RALGAPA1: variants seen among roughly 807,000 people sequenced by gnomAD.
The protein encoded by RALGAPA1 is Ral GTPase activating protein catalytic subunit alpha 1, also known as ral GTPase-activating protein subunit alpha-1.
In RALGAPA1, 52 loss-of-function variants were observed where a neutral mutation model predicts 269.6. The ratio of observed to expected loss-of-function variants is 0.19; its 90% CI spans 0.15 to 0.24. RALGAPA1 has a LOEUF of 0.24. Ranked by LOEUF, RALGAPA1 falls within the 10% of genes least tolerant of loss-of-function variation. RALGAPA1 has a pLI of 1.00. For missense variants in RALGAPA1, 1,917 were observed against 3,013.9 expected, an observed-to-expected ratio of 0.64 and a Z score of 8.52; for synonymous variants, 817 against 1,008.3, an observed-to-expected ratio of 0.81 and a Z score of 3.60.
intron 16 of RALGAPA1, among the ~76,000 whole-genome samples, chr14:35,709,281 A>C (rs1294343154): frequency 1.3e-5 from 2 of 152,182 alleles, no homozygotes; most frequent in Non-Finnish European, 2.9e-5. Context: ...TACCCCATTT[A>C]CACTGATGTG....
At chr14:35,551,494 TG>T (rs1280406381) in intron 39 of RALGAPA1, among the ~76,000 whole-genome samples, 1 of 152,126 alleles carries the variant, frequency 6.6e-6, no homozygotes, top group East Asian at 1.9e-4. Flanking sequence ...TCTGCTTGAA[TG>T]GGTAAAATGC....
chr14:35,651,619 T>C (rs1417760219), intron 31 of RALGAPA1, among the ~76,000 whole-genome samples, 186 bp downstream of exon 31: 2 of 152,134 alleles, frequency 1.3e-5, no homozygotes, highest in African/African-American at 2.4e-5. Flanking sequence ...TTTTATCAAA[T>C]GGCAATGAAA....
intron 35 of RALGAPA1, 58 bp downstream of exon 35, chr14:35,625,303 T>G: frequency 1.8e-6 from 2 of 1,099,712 alleles, no homozygotes; most frequent in Non-Finnish European, 2.7e-6. Context: ...CACAGTATTA[T>G]TCTAAAAGAG....
At position 35,655,876 on chromosome 14, in the gene RALGAPA1, T is replaced by C; in HGVS notation, c.5427A>G (p.Glu1809=). 1 of 1,613,476 alleles carries C rather than the reference T, an allele frequency of 6.2e-7. No individual in the cohort carries two copies. The highest frequency in any genetic ancestry group is 8.5e-7 in the Non-Finnish European group (1 of 1,179,648). ...ALCSLGIWIC[E]ELVHESHHPQ... ...GATGATGAGACTCATGGACTAGTTC[T>C]TCACAAATCCAAATACCTAAACTAC... The change falls in exon 29 of 42, where the codon GAA becomes GAG. Residue 1809 remains glutamate, a synonymous_variant. Transcript: ENST00000680220.
chr14:35,581,853 A>G (rs549726836), intron 37 of RALGAPA1, among the ~76,000 whole-genome samples: 1 of 152,304 alleles, frequency 6.6e-6, no homozygotes, highest in East Asian at 1.9e-4. Context: ...ATATACAATT[A>G]CCATATGATC....
intron 10 of RALGAPA1, 141 bp from the exon 11 acceptor site, chr14:35,742,706 T>C (rs1288252806): frequency 1.8e-5 from 12 of 660,830 alleles, no homozygotes; most frequent in Admixed American, 2.9e-5. Flanking sequence ...ACAAAACTCA[T>C]TTTGCCATAA....
At chr14:35,793,409 G>T (rs111500640) in intron 1 of RALGAPA1, among the ~76,000 whole-genome samples, 1 of 151,858 alleles carries the variant, frequency 6.6e-6, no homozygotes, top group Admixed American at 6.6e-5. Flanking sequence ...GACTAATTTT[G>T]TATTTTTAGT....
At chr14:35,622,064 CAT>C (rs1312860616) in intron 35 of RALGAPA1, among the ~76,000 whole-genome samples, 2 of 152,160 alleles carry the variant, frequency 1.3e-5, no homozygotes, top group African/African-American at 4.8e-5. Context: ...CACATGTACA[CAT>C]ATGTTTACTG....
chr14:35,674,482 T>C (rs376332359), intron 23 of RALGAPA1, 34 bp downstream of exon 23: 109 of 1,539,378 alleles, frequency 7.1e-5, no homozygotes, highest in Admixed American at 1.0e-4. Context: ...ATTTTTATTT[T>C]CTTCTCCACT....
At chr14:35,684,873 C>T in intron 20 of RALGAPA1, 56 bp downstream of exon 20, 1 of 1,538,652 alleles carries the variant, frequency 6.5e-7, no homozygotes, top group South Asian at 1.2e-5. Context: ...GTAAGTCAGT[C>T]TTGAACAGAA....
At chr14:35,579,497 A>G (rs1170718858) in intron 37 of RALGAPA1, among the ~76,000 whole-genome samples, 1 of 151,254 alleles carries the variant, frequency 6.6e-6, no homozygotes, top group East Asian at 1.9e-4. Context: ...AGTCCCAGCT[A>G]CTCGGGAGGC....
At chr14:35,713,540 A>T (rs562717721) in intron 16 of RALGAPA1, among the ~76,000 whole-genome samples, 3 of 152,356 alleles carry the variant, frequency 2.0e-5, no homozygotes, top group African/African-American at 7.2e-5. Flanking sequence ...CTTCTCAATG[A>T]TGAGGAGGAA....
chr14:35,808,992 C>G lies in RALGAPA1; in HGVS notation c.-157G>C. ...GGGCAGAGCCGACTCCTTCCCGATC[C>G]AGGCCAGGGCCGCCACCTCCACCCG... On this transcript the variant is annotated 5_prime_UTR_variant, in exon 1 of 42. Transcript: ENST00000680220. The G allele has an allele frequency of 7.2e-7, 1 of 1,394,264 alleles. No individual in the cohort carries two copies. Among genetic ancestry groups the G allele is most frequent in the Non-Finnish European group, 9.4e-7 (1 of 1,063,956 alleles). The allele number at this position is 1,394,264 out of a possible 1,614,324, so 86.4% of individuals were successfully genotyped here.
intron 10 of RALGAPA1, among the ~76,000 whole-genome samples, chr14:35,743,729 A>G (rs958759443): frequency 5.3e-5 from 8 of 152,144 alleles, no homozygotes; most frequent in Admixed American, 4.6e-4. Flanking sequence ...CCAGAAACTA[A>G]TAAAAATCAT....
intron 17 of RALGAPA1, among the ~76,000 whole-genome samples, chr14:35,693,118 T>G (rs868798194): frequency 1.3e-5 from 2 of 151,964 alleles, no homozygotes; most frequent in Admixed American, 6.6e-5. Context: ...ACATCATATA[T>G]GTTTTGTACT....
intron 22 of RALGAPA1, among the ~76,000 whole-genome samples, chr14:35,675,701 G>C (rs2064879197): frequency 6.6e-6 from 1 of 151,770 alleles, no homozygotes; most frequent in African/African-American, 2.4e-5. Flanking sequence ...GTTGCCTCCA[G>C]CTTTAAAAAA....
intron 26 of RALGAPA1, among the ~76,000 whole-genome samples, chr14:35,670,983 A>T (rs10152097): frequency 0.35 from 52,869 of 151,532 alleles, 12,701 homozygotes; most frequent in African/African-American, 0.67. Flanking sequence ...TCTATGGTGG[A>T]TGCCTTACCA....
intron 3 of RALGAPA1, among the ~76,000 whole-genome samples, chr14:35,772,578 T>C (rs2074715161): frequency 6.6e-6 from 1 of 152,212 alleles, no homozygotes; most frequent in South Asian, 2.1e-4. Flanking sequence ...GTGTGTTTGC[T>C]GTTATTGCTG....
At chr14:35,555,052 C>T (rs2055468813) in intron 39 of RALGAPA1, among the ~76,000 whole-genome samples, 1 of 152,094 alleles carries the variant, frequency 6.6e-6, no homozygotes, top group African/African-American at 2.4e-5. Flanking sequence ...TGGATTTAGA[C>T]TTTGAATCTT....
Sources: allele counts gnomAD v4.1 joint callset (sites outside exome capture counted in the v4.1 genomes callset), GRCh38; gene constraint gnomAD v4.1.1; transcripts MANE v1.5; gene names NCBI Gene and HGNC (gene_info 2026-07-23, HGNC 2026-07-21).